The following SLC16A5 variants were observed in gnomAD, a reference collection of about 807,000 sequenced individuals.
SLC16A5 encodes monocarboxylate transporter 6.
Under a neutral mutation model 33.2 loss-of-function variants are expected in SLC16A5, and 29 were observed. The ratio of observed to expected loss-of-function variants is 0.87; its 90% CI spans 0.65 to 1.19. The LOEUF (loss-of-function observed/expected upper bound fraction) is 1.19. SLC16A5 is among the 50% of genes most tolerant of loss of function. The pLI is 0.00. For missense variants in SLC16A5, 606 were observed against 678.2 expected (o/e 0.89, Z 1.18); for synonymous variants, 248 against 284.1 (o/e 0.87, Z 1.28).
In SLC16A5 at chr17:75,098,198, C is replaced by A; in HGVS notation, c.343+17C>A. On this transcript the variant is annotated intron_variant, in intron 4 of 6. Coordinates refer to ENST00000329783, the MANE Select transcript of SLC16A5 (RefSeq NM_004695.4). ...TCATCACAGGTGACTATCACTTCAT[C>A]TCCAGAATTTATAGGCACCTGCTAG... is the stretch of plus-strand genomic sequence containing the variant. 6.2e-7 allele frequency: 1 copy of A among 1,611,678 alleles called. No homozygotes were observed. The highest frequency in any genetic ancestry group is 8.5e-7 in the Non-Finnish European group (1 of 1,179,066).
intron 6 of SLC16A5, chr17:75,104,999 C>G: frequency 2.0e-6 from 2 of 985,468 alleles, no homozygotes; most frequent in Non-Finnish European, 1.2e-6. Flanking sequence ...TTCTGAAGAG[C>G]TCACCTTCCT....
chr17:75,102,516 G>C (rs1167347176), intron 5 of SLC16A5, among the ~76,000 whole-genome samples: 1 of 152,174 alleles, frequency 6.6e-6, no homozygotes, highest in Admixed American at 6.5e-5. Flanking sequence ...TATGATGCGA[G>C]GGAAACCAAA....
chr17:75,099,612 AT>A (rs112902527), intron 4 of SLC16A5, among the ~76,000 whole-genome samples: 6,253 of 152,164 alleles, frequency 0.041, 181 homozygotes, highest in African/African-American at 0.087. Context: ...AGCCTGGCTA[AT>A]TTTTTTGTAT....
At chr17:75,089,876 G>A (rs1445650024) in intron 2 of SLC16A5, 1 of 152,134 alleles carries the variant, frequency 6.6e-6, no homozygotes, top group African/African-American at 2.4e-5. Context: ...GACTACTCAG[G>A]AGCGGTAGTA....
intron 5 of SLC16A5, among the ~76,000 whole-genome samples, chr17:75,101,561 GAAAAAAAAAA>G (rs531652324): frequency 4.4e-5 from 2 of 45,672 alleles, no homozygotes; most frequent in African/African-American, 6.3e-5. Flanking sequence ...GACTCCATCT[GAAAAAAAAAA>G]AAAAAAAAAA....
At position 75,106,028 on chromosome 17, in the gene SLC16A5, A is replaced by C. The variant is rs1598158223; in HGVS notation, c.1513A>C (p.Thr505Pro). ...AACGGCTCTGGGCTGGAATAGCCCT[A>C]CCTGAGTGCCCTGTTTGACTCCGCC... ...KQTALGWNSPT is the reference protein window; with the variant it reads ...KQTALGWNSPP The change falls in exon 7 of 7, where the codon ACC becomes CCC. Residue 505 changes from threonine (T) to proline (P), a missense_variant. Transcript: ENST00000329783. The C allele has an allele frequency of 2.7e-6, 4 of 1,506,170 alleles. No homozygotes were observed. The highest frequency in any genetic ancestry group is 3.6e-6 in the Non-Finnish European group (4 of 1,098,736). The allele number at this position is 1,506,170 out of a possible 1,614,324, so 93.3% of individuals were successfully genotyped here.
chr17:75,099,661 A>C (rs928157228), intron 4 of SLC16A5, among the ~76,000 whole-genome samples: 8 of 152,006 alleles, frequency 5.3e-5, no homozygotes, highest in African/African-American at 1.9e-4. Context: ...TTGGTCTCGA[A>C]CTCCTGACCT....
intron 6 of SLC16A5, chr17:75,105,373 G>GC (rs2073850314): frequency 1.0e-6 from 1 of 985,328 alleles, no homozygotes; most frequent in African/African-American, 1.7e-5. Context: ...TTGCCAGGCA[G>GC]CCCGAAGACT....
chr17:75,090,187 G>A (rs1275103113), intron 2 of SLC16A5: 1 of 151,996 alleles, frequency 6.6e-6, no homozygotes, highest in Non-Finnish European at 1.5e-5. Flanking sequence ...GACCCCAGGT[G>A]AGCCGCCTGC....
intron 6 of SLC16A5, chr17:75,105,323 G>A: frequency 1.0e-6 from 1 of 985,458 alleles, no homozygotes; most frequent in African/African-American, 1.7e-5. Flanking sequence ...TTAGTGCCAG[G>A]TGGGGGAAGC....
At position 75,093,582 on chromosome 17, in the gene SLC16A5, T is replaced by C. The variant is rs60598753; in HGVS notation, c.-48-7T>C. On this transcript the variant is annotated splice_region_variant and splice_polypyrimidine_tract_variant and intron_variant, in intron 2 of 6. Transcript: ENST00000329783. ...GACCACCAGGCTCCATTCTGTCCCC[T>C]CCCCAGGCAGCAGCCACATTGGCAG... is the stretch of plus-strand genomic sequence containing the variant. 0.061 allele frequency: 91,344 copies of C among 1,503,426 alleles called. 3,255 individuals are homozygous for C. The highest frequency in any genetic ancestry group is 0.16 in the African/African-American group (11,756 of 73,592). 93.1% of individuals were successfully genotyped at this position (1,503,426 alleles called of 1,614,324 possible).
intron 3 of SLC16A5, among the ~76,000 whole-genome samples, chr17:75,095,954 C>T (rs1427463888): frequency 6.6e-6 from 1 of 151,680 alleles, no homozygotes; most frequent in Non-Finnish European, 1.5e-5. Context: ...CCACCACGCC[C>T]AGACCATACC....
At chr17:75,098,245 C>T in intron 4 of SLC16A5, 64 bp downstream of exon 4, 2 of 1,589,436 alleles carry the variant, frequency 1.3e-6, no homozygotes, top group African/African-American at 2.7e-5. Context: ...CACAAGTGGA[C>T]AGGGCAGGCA....
chr17:75,090,483 G>A (rs1463560133), intron 2 of SLC16A5, among the ~76,000 whole-genome samples: 2 of 144,424 alleles, frequency 1.4e-5, no homozygotes, highest in African/African-American at 2.7e-5. Context: ...TTTTTGAGAC[G>A]GAAGTCTCAC....
intron 2 of SLC16A5, among the ~76,000 whole-genome samples, chr17:75,091,890 AG>A (rs2073641899): frequency 1.3e-5 from 2 of 152,170 alleles, no homozygotes; most frequent in Non-Finnish European, 2.9e-5. Flanking sequence ...GGGTTGAAAA[AG>A]GGGTCCAAAC....
chr17:75,099,915 G>A, intron 4 of SLC16A5, 92 bp from the exon 5 acceptor site: 1 of 1,165,366 alleles, frequency 8.6e-7, no homozygotes, highest in Non-Finnish European at 1.2e-6. Context: ...CCAGAGGAGG[G>A]CAGGTGTGTG....
intron 3 of SLC16A5, among the ~76,000 whole-genome samples, chr17:75,095,064 T>C (rs1254615847): frequency 6.6e-6 from 1 of 152,236 alleles, no homozygotes; most frequent in Non-Finnish European, 1.5e-5. Context: ...GGCGTGTGTC[T>C]GCTGGCCGCA....
chr17:75,097,402 C>T (rs2073734116), intron 3 of SLC16A5, among the ~76,000 whole-genome samples: 1 of 152,078 alleles, frequency 6.6e-6, no homozygotes, highest in Non-Finnish European at 1.5e-5. Context: ...TTGAGCCAAA[C>T]CTCTAGGTGC....
At chr17:75,089,809 C>G (rs1598143429) in intron 2 of SLC16A5, 1 of 150,072 alleles carries the variant, frequency 6.7e-6, no homozygotes, top group East Asian at 2.0e-4. Context: ...GCAGCCCAGC[C>G]TGGGGTGGGA....
Sources: gnomAD v4.1 joint callset for allele counts (sites outside exome capture counted in the v4.1 genomes callset) on GRCh38, gnomAD v4.1.1 for gene constraint, MANE v1.5 for transcripts, NCBI Gene and HGNC (gene_info 2026-07-23, HGNC 2026-07-21) for gene names.